The following BCLAF3 variants were observed in gnomAD, a reference collection of about 807,000 sequenced individuals.
BCLAF3 encodes transient octamer binding factor 1.
BCLAF3 carries 24 observed loss-of-function variants against 51.2 expected under a neutral mutation model. The observed-to-expected ratio is 0.47, with a 90% CI of 0.34 to 0.66. The LOEUF is 0.66. BCLAF3 is among the 30% of genes least tolerant of loss of function. The pLI is 0.01. For missense variants in BCLAF3, 465 were observed against 525.1 expected (o/e 0.89, Z 1.12); for synonymous variants, 152 against 176.6 (o/e 0.86, Z 1.10).
At chrX:19,937,282 T>A in intron 9 of BCLAF3, 136 bp downstream of exon 9, 1 of 488,809 alleles carries the variant, frequency 2.0e-6, no homozygotes, top group East Asian at 3.7e-5. Flanking sequence ...ATAATAACTT[T>A]AAGCATCAAC....
Position 19,917,087 on chromosome X carries a change from G to A in BCLAF3, c.*218C>T. 2.5e-6 allele frequency: 1 copy of A among 396,509 alleles called. No homozygotes were observed. The highest frequency in any genetic ancestry group is 4.4e-5 in the East Asian group (1 of 22,653). The allele number at this position is 396,509 out of a possible 1,213,427, so 32.7% of individuals were successfully genotyped here. The stretch of plus-strand genomic sequence containing the variant: ...TGATTCTTTTGAGACTTTTTGCAAA[G>A]GAAACTGTAGTTAATACAACTTTTA... On this transcript the variant is annotated 3_prime_UTR_variant, in exon 12 of 12. Transcript: ENST00000379682.
chrX:19,945,617 G>C (rs1430886514), intron 8 of BCLAF3, among the ~76,000 whole-genome samples: 2 of 77,944 alleles, frequency 2.6e-5, no homozygotes. Context: ...CACTTGAGGA[G>C]GCAGTCTGCC....
Position 19,914,679 on chromosome X carries a change from A to G in BCLAF3, c.*2626T>C, listed in dbSNP as rs1389980486. On this transcript the variant is annotated 3_prime_UTR_variant, in exon 12 of 12. Coordinates refer to ENST00000379682, the MANE Select transcript of BCLAF3 (RefSeq NM_001367774.2). ...TGTTCTCTGTGATAAGACTATGGGC[A>G]ATTCTTCAAATTGAAATTTATGTTG... The G allele has an allele frequency of 1.8e-5, 2 of 111,394 alleles. No individual in the cohort carries two copies. The highest frequency in any genetic ancestry group is 6.5e-5 in the African/African-American group (2 of 30,634). 9.2% of individuals were successfully genotyped at this position (111,394 alleles called of 1,213,427 possible).
intron 2 of BCLAF3, among the ~76,000 whole-genome samples, chrX:19,969,965 A>C (rs1390145027): frequency 8.9e-6 from 1 of 112,465 alleles, no homozygotes; most frequent in Non-Finnish European, 1.9e-5. Context: ...CACTAATTCA[A>C]AAAATGTAAT....
chrX:19,964,305 G>A (rs771793831), intron 4 of BCLAF3, among the ~76,000 whole-genome samples: 1 of 111,807 alleles, frequency 8.9e-6, no homozygotes, highest in Non-Finnish European at 1.9e-5. Flanking sequence ...AGTAATATTC[G>A]TTAAGGAACA....
chrX:19,978,960 T>C (rs1470582522), intron 1 of BCLAF3, among the ~76,000 whole-genome samples: 5 of 111,059 alleles, frequency 4.5e-5, no homozygotes, highest in South Asian at 7.5e-4. Flanking sequence ...TGTTGCCTTA[T>C]TTTAAGAAAT....
At chrX:19,953,074 C>T (rs747002053) in intron 6 of BCLAF3, 23 bp from the exon 7 acceptor site, 2 of 1,104,084 alleles carry the variant, frequency 1.8e-6, no homozygotes, top group East Asian at 3.0e-5. Flanking sequence ...AGGCATAGTA[C>T]AACTAAATAA....
chrX:19,925,503 G>C (rs1175793450), intron 11 of BCLAF3, among the ~76,000 whole-genome samples: 1 of 111,548 alleles, frequency 9.0e-6, no homozygotes, highest in Non-Finnish European at 1.9e-5. Context: ...GAGTCTAGGT[G>C]GTGGTCTAAT....
intron 4 of BCLAF3, among the ~76,000 whole-genome samples, chrX:19,964,716 T>C (rs1402060276): frequency 9.0e-6 from 1 of 111,675 alleles, no homozygotes; most frequent in Non-Finnish European, 1.9e-5. Context: ...CTAGGTTTTC[T>C]TGAACTCTAC....
At chrX:19,918,179 C>T (rs953324315) in intron 11 of BCLAF3, 1 of 111,577 alleles carries the variant, frequency 9.0e-6, no homozygotes, top group African/African-American at 3.3e-5. Flanking sequence ...AAAAACAGTG[C>T]TGATAGAAAA....
At chrX:19,986,530 G>A (rs2072806416) in intron 1 of BCLAF3, among the ~76,000 whole-genome samples, 1 of 111,966 alleles carries the variant, frequency 8.9e-6, no homozygotes, top group African/African-American at 3.2e-5. Flanking sequence ...CCAGGAGGAA[G>A]AAGGGAACCT....
At chrX:19,955,612 G>A (rs776552453) in intron 4 of BCLAF3, 46 bp from the exon 5 acceptor site, 4 of 1,049,249 alleles carry the variant, frequency 3.8e-6, no homozygotes, top group East Asian at 3.3e-5. Flanking sequence ...ACTATTTTGT[G>A]GAGAAAAGAA....
chrX:19,976,502 T>C (rs1315769844), intron 1 of BCLAF3, among the ~76,000 whole-genome samples: 2 of 111,426 alleles, frequency 1.8e-5, no homozygotes, highest in Non-Finnish European at 3.8e-5. Flanking sequence ...GCGATTCTCC[T>C]GCCTCAGCCT....
chrX:19,966,159 T>A lies in BCLAF3; in HGVS notation c.532A>T (p.Arg178Trp). 9.1e-6 allele frequency: 11 copies of A among 1,211,668 alleles called. No homozygotes were observed. Among genetic ancestry groups the A allele is most frequent in the Non-Finnish European group, 1.2e-5 (11 of 895,388 alleles). ...KWHEDELRHQRIQEEKYSQST... is the reference protein window; with the variant it reads ...KWHEDELRHQWIQEEKYSQST... The stretch of plus-strand genomic sequence containing the variant: ...TGGGAGTATTTTTCTTCTTGTATCC[T>A]CTGGTGCCTCAACTCATCTTCATGC... The change falls in exon 3 of 12, where the codon AGG becomes TGG. Residue 178 changes from arginine to tryptophan, a missense_variant. Coordinates refer to ENST00000379682, the MANE Select transcript of BCLAF3 (RefSeq NM_001367774.2).
At chrX:19,925,900 C>G (rs1346503497) in intron 11 of BCLAF3, among the ~76,000 whole-genome samples, 1 of 111,997 alleles carries the variant, frequency 8.9e-6, no homozygotes, top group Non-Finnish European at 1.9e-5. Context: ...CTGGCACAAA[C>G]AGAACAGCTT....
At chrX:19,922,945 C>CA (rs998216633) in intron 11 of BCLAF3, among the ~76,000 whole-genome samples, 1 of 108,762 alleles carries the variant, frequency 9.2e-6, no homozygotes, top group Non-Finnish European at 1.9e-5. Flanking sequence ...AAATTCAAGG[C>CA]AAAAAAAGGA....
intron 1 of BCLAF3, among the ~76,000 whole-genome samples, chrX:19,982,683 A>C (rs1452095225): frequency 4.5e-5 from 5 of 110,528 alleles, no homozygotes; most frequent in Non-Finnish European, 7.6e-5. Context: ...CAAAAATGCA[A>C]ACCTTCCTAA....
At chrX:19,935,568 T>C (rs751593064) in intron 10 of BCLAF3, 2 of 340,837 alleles carry the variant, frequency 5.9e-6, no homozygotes, top group South Asian at 9.9e-5. Context: ...TGTATTTGTG[T>C]TTCCATGTAA....
At chrX:19,975,052 AAAAACCACTG>A (rs1481164760) in intron 1 of BCLAF3, among the ~76,000 whole-genome samples, 8 of 111,750 alleles carry the variant, frequency 7.2e-5, no homozygotes, top group African/African-American at 2.6e-4. Context: ...CAAGCATACT[AAAAACCACTG>A]AAATGCACAC....
Sources: gnomAD v4.1 joint callset for allele counts (sites outside exome capture counted in the v4.1 genomes callset) on GRCh38, gnomAD v4.1.1 for gene constraint, MANE v1.5 for transcripts, NCBI Gene and HGNC (gene_info 2026-07-23, HGNC 2026-07-21) for gene names.